Variants in EYA2 observed in about 807,000 individuals in gnomAD.
EYA2 encodes the protein EYA transcriptional coactivator and phosphatase 2.
EYA2 carries 31 observed loss-of-function variants against 69.2 expected under a neutral mutation model. That is an observed-to-expected ratio of 0.45 (90% CI 0.34 to 0.60). The LOEUF is 0.60. Among genes scored for constraint, EYA2 ranks in the 20% least tolerant of loss-of-function variants. The probability of loss-of-function intolerance (pLI) is 0.02; values close to 1 mark genes in which losing one functional copy is unlikely to be tolerated. For missense variants in EYA2, 622 were observed against 701.2 expected (o/e 0.89, Z 1.28); for synonymous variants, 257 against 279.4 (o/e 0.92, Z 0.80).
In EYA2 at chr20:46,919,545, G is replaced by A. The variant is rs116850032; in HGVS notation, c.-11+24558G>A. 3.3e-5 allele frequency among the ~76,000 whole-genome samples: 5 copies of A among 152,344 alleles called. No individual in the cohort carries two copies. In the East Asian group the frequency reaches 7.7e-4, roughly 24 times the overall value. On this transcript the variant is annotated intron_variant, in intron 1 of 15. Coordinates refer to ENST00000327619, the MANE Select transcript of EYA2 (RefSeq NM_005244.5). ...TTCTGCAGCTTCCTCATTTCTCTCA[G>A]CTTTCATAGAATTGAAGAGAGTTAG...
At chr20:46,989,979 A>G (rs200163715) in intron 1 of EYA2, 22 bp from the exon 2 acceptor site, 339 of 1,182,188 alleles carry the variant, frequency 2.9e-4, no homozygotes, top group Non-Finnish European at 3.9e-5. Flanking sequence ...AATAAATTAT[A>G]TTTCCCTTTG....
chr20:47,078,320 C>A lies in EYA2; in HGVS notation c.661+3985C>A, dbSNP rs73123774. Among the ~76,000 whole-genome samples, 602 of 143,984 alleles carry A rather than the reference C, an allele frequency of 4.2e-3. 3 individuals are homozygous for A. The highest frequency in any genetic ancestry group is 0.015 in the African/African-American group (557 of 36,022). 94.5% of individuals were successfully genotyped at this position (143,984 alleles called of 152,430 possible). On this transcript the variant is annotated intron_variant, in intron 7 of 15. Transcript: ENST00000327619. Reference sequence around the variant, plus strand: ...ATATGTGTGTGCACATGTGCACGTGCGCGCGCGCGCGCACACACACACACA... The same window carrying A: ...ATATGTGTGTGCACATGTGCACGTGAGCGCGCGCGCGCACACACACACACA...
chr20:46,945,397 TA>T (rs1230074351), intron 1 of EYA2, among the ~76,000 whole-genome samples: 1 of 152,242 alleles, frequency 6.6e-6, no homozygotes, highest in East Asian at 1.9e-4. Context: ...TAACCAGCTC[TA>T]AAACATCTCA....
chr20:47,163,900 C>T (rs1432435784), intron 10 of EYA2, among the ~76,000 whole-genome samples: 1 of 151,988 alleles, frequency 6.6e-6, no homozygotes, highest in African/African-American at 2.4e-5. Context: ...AGTAAAAATC[C>T]CTCGAGACGG....
At chr20:46,952,576 C>T (rs961739053) in intron 1 of EYA2, among the ~76,000 whole-genome samples, 1 of 152,148 alleles carries the variant, frequency 6.6e-6, no homozygotes, top group Non-Finnish European at 1.5e-5. Context: ...AGCAAGCACC[C>T]ACCGGAATAA....
intron 5 of EYA2, among the ~76,000 whole-genome samples, chr20:47,036,972 A>G (rs149123233): frequency 0.012 from 1,840 of 152,314 alleles, 19 homozygotes; most frequent in Non-Finnish European, 0.02. Context: ...AGACTGGGTA[A>G]TGTATAAAGG....
chr20:47,011,218 C>T (rs144019619), intron 4 of EYA2, among the ~76,000 whole-genome samples: 3 of 152,202 alleles, frequency 2.0e-5, no homozygotes, highest in Admixed American at 6.5e-5. Context: ...ATTGTAGTCA[C>T]GAGGAAACTG....
At chr20:47,156,085 TACATACACACAC>T (rs1568813948) in intron 10 of EYA2, among the ~76,000 whole-genome samples, 1 of 28,782 alleles carries the variant, frequency 3.5e-5, no homozygotes, top group East Asian at 1.1e-3. Context: ...CACATATATA[TACATACACACAC>T]ACACACACAC....
chr20:47,032,338 G>T (rs1984465795), intron 5 of EYA2, among the ~76,000 whole-genome samples: 1 of 151,968 alleles, frequency 6.6e-6, no homozygotes, highest in Admixed American at 6.6e-5. Context: ...CATGTCCCAG[G>T]AAGGCAGCTT....
intron 10 of EYA2, 119 bp from the exon 11 acceptor site, chr20:47,169,020 A>G (rs1005001892): frequency 2.4e-6 from 2 of 847,244 alleles, no homozygotes; most frequent in South Asian, 1.4e-5. Flanking sequence ...CCCGAGCCTG[A>G]TGACTCCCAG....
intron 12 of EYA2, among the ~76,000 whole-genome samples, chr20:47,179,432 ATAGG>A (rs975021985): frequency 1.1e-4 from 12 of 106,822 alleles, no homozygotes; most frequent in Non-Finnish European, 1.8e-4. Flanking sequence ...GGATGGGTGG[ATAGG>A]TGGGTGGGTG....
At position 47,182,628 on chromosome 20, in the gene EYA2, T is replaced by TCAAAAAAAAAAAAAAAAAAAAAAAAAAAA. The variant is rs779945744; in HGVS notation, c.1436-663_1436-662insCAAAAAAAAAAAAAAAAAAAAAAAAAAAA. ...TGGGCAACAAGAACGAGACTCCGTC[T>TCAAAAAAAAAAAAAAAAAAAAAAAAAAAA]AAAAAAAAAAAAAAAAGGTTAAGAT... On this transcript the variant is annotated intron_variant, in intron 14 of 15. Transcript: ENST00000327619. 9.5e-5 allele frequency among the ~76,000 whole-genome samples: 8 copies of TCAAAAAAAAAAAAAAAAAAAAAAAAAAAA among 84,352 alleles called. 2 individuals are homozygous for TCAAAAAAAAAAAAAAAAAAAAAAAAAAAA. The highest frequency in any genetic ancestry group is 3.3e-4 in the African/African-American group (5 of 15,302). The allele number at this position is 84,352 out of a possible 152,430, so 55.3% of individuals were successfully genotyped here.
rs113819380 is a variant in EYA2, at chr20:47,049,199, C to G, written c.416-22986C>G. ...AAAGTTGCAAAGATAGTACAGAGTT[C>G]CCTGAAGCCCTTCTCCCGCTTTCCC... On this transcript the variant is annotated intron_variant, in intron 5 of 15. Coordinates refer to ENST00000327619, the MANE Select transcript of EYA2 (RefSeq NM_005244.5). Among the ~76,000 whole-genome samples, 802 of 149,222 alleles carry G rather than the reference C, an allele frequency of 5.4e-3. 6 individuals are homozygous for G. The highest frequency in any genetic ancestry group is 0.019 in the African/African-American group (763 of 40,472).
chr20:47,103,634 C>G (rs1315345994), intron 9 of EYA2, among the ~76,000 whole-genome samples: 1 of 152,086 alleles, frequency 6.6e-6, no homozygotes, highest in Non-Finnish European at 1.5e-5. Context: ...GGAAGAGCCC[C>G]TTGTAAAACG....
chr20:46,955,550 A>G (rs549161648), intron 1 of EYA2, among the ~76,000 whole-genome samples: 2 of 152,362 alleles, frequency 1.3e-5, no homozygotes, highest in South Asian at 4.1e-4. Flanking sequence ...TGAAGTATAT[A>G]AAGTAAAAAT....
At chr20:47,075,553 A>AT (rs2146479986) in intron 7 of EYA2, among the ~76,000 whole-genome samples, 1 of 152,154 alleles carries the variant, frequency 6.6e-6, no homozygotes, top group South Asian at 2.1e-4. Flanking sequence ...ACGGCCAGGA[A>AT]TATGTTATCT....
chr20:46,947,976 G>A (rs1483273908), intron 1 of EYA2, among the ~76,000 whole-genome samples: 3 of 151,966 alleles, frequency 2.0e-5, no homozygotes, highest in African/African-American at 7.2e-5. Context: ...AACTAGCCTT[G>A]CATGGTGGTG....
intron 9 of EYA2, among the ~76,000 whole-genome samples, chr20:47,139,766 C>T (rs1288450420): frequency 6.6e-6 from 1 of 152,080 alleles, no homozygotes. Context: ...TTAGGTGCTA[C>T]TTCTTGATTC....
intron 13 of EYA2, among the ~76,000 whole-genome samples, 190 bp downstream of exon 13, chr20:47,180,102 G>A (rs569526630): frequency 1.7e-4 from 26 of 152,058 alleles, no homozygotes; most frequent in African/African-American, 5.3e-4. Flanking sequence ...GCGTGATCTC[G>A]GCTCATCACA....
Sources: allele counts gnomAD v4.1 joint callset (sites outside exome capture counted in the v4.1 genomes callset), GRCh38; gene constraint gnomAD v4.1.1; transcripts MANE v1.5; gene names NCBI Gene and HGNC (gene_info 2026-07-23, HGNC 2026-07-21).